Variants in UGT1A7 observed in about 807,000 individuals in gnomAD.
The protein encoded by UGT1A7 is UDP glucuronosyltransferase family 1 member A7.
In UGT1A7, 33 loss-of-function variants were observed where a neutral mutation model predicts 45.6. The observed-to-expected ratio is 0.72, with a 90% CI of 0.55 to 0.97. UGT1A7 has a LOEUF of 0.97. Among genes scored for constraint, UGT1A7 ranks in the 50% least tolerant of loss-of-function variants. The probability of loss-of-function intolerance (pLI) is 0.00; values close to 1 mark genes in which losing one functional copy is unlikely to be tolerated. For missense variants in UGT1A7, 684 were observed against 666.2 expected (o/e 1.03, Z -0.29); for synonymous variants, 274 against 250.6 (o/e 1.09, Z -0.88).
chr2:233,755,761 T>G (rs1381641183), intron 1 of UGT1A7: 4 of 152,946 alleles, frequency 2.6e-5, no homozygotes, highest in African/African-American at 9.6e-5. Context: ...CATTTGCTTT[T>G]GTTCATCTGG....
chr2:233,743,985 A>G (rs1333314866), intron 1 of UGT1A7: 3 of 1,283,108 alleles, frequency 2.3e-6, no homozygotes, highest in Non-Finnish European at 3.1e-6. Context: ...ACCCAGGCGC[A>G]GGCCCGAGTG....
At chr2:233,723,515 T>C (rs1475684057) in intron 1 of UGT1A7, among the ~76,000 whole-genome samples, 1,226 of 106,738 alleles carry the variant, frequency 0.011, 61 homozygotes, top group African/African-American at 0.052. Flanking sequence ...TGGTCAACAA[T>C]CTTTTTTTTT....
At chr2:233,739,351 C>A (rs1394476158) in intron 1 of UGT1A7, among the ~76,000 whole-genome samples, 1 of 152,186 alleles carries the variant, frequency 6.6e-6, no homozygotes, top group Admixed American at 6.5e-5. Context: ...CCCAGAAGGG[C>A]AGATCCAATA....
intron 1 of UGT1A7, among the ~76,000 whole-genome samples, chr2:233,733,533 G>T (rs184573517): frequency 6.6e-6 from 1 of 152,150 alleles, no homozygotes; most frequent in African/African-American, 2.4e-5. Flanking sequence ...GTTTAATTTT[G>T]TTGAAGGCCT....
chr2:233,725,038 C>G lies in UGT1A7; in HGVS notation c.856-41996C>G, dbSNP rs1391626503. On this transcript the variant is annotated intron_variant, in intron 1 of 4. Coordinates refer to ENST00000373426, the MANE Select transcript of UGT1A7 (RefSeq NM_019077.3). ...CAGCAAAACCCGGTCTCCACCAAAA[C>G]CAGTCAGGCGTGGCGGCGCGCGCCT... Among the ~76,000 whole-genome samples, 35 of 148,320 alleles carry G rather than the reference C, an allele frequency of 2.4e-4. 2 individuals carry two copies. Among genetic ancestry groups the G allele is most frequent in the Non-Finnish European group, 4.3e-4 (29 of 67,320 alleles).
In UGT1A7 at chr2:233,684,825, T is replaced by C. The variant is rs995688035; in HGVS notation, c.855+2033T>C. 2.6e-5 allele frequency among the ~76,000 whole-genome samples: 4 copies of C among 152,232 alleles called. No homozygotes were observed. In the East Asian group the frequency reaches 7.7e-4, roughly 29 times the overall value. ...GCTCAACCACAAAAGTAAATTGTCA[T>C]AGAAAAATTTATGGACACTGTATAG... is the stretch of plus-strand genomic sequence containing the variant. On this transcript the variant is annotated intron_variant, in intron 1 of 4. Transcript: ENST00000373426.
chr2:233,749,922 T>G (rs1694307540), intron 1 of UGT1A7, among the ~76,000 whole-genome samples: 2 of 151,936 alleles, frequency 1.3e-5, no homozygotes, highest in South Asian at 4.1e-4. Context: ...GTGAGTCAAT[T>G]AAAGCTCTTT....
chr2:233,714,925 G>A (rs1358582665), intron 1 of UGT1A7, among the ~76,000 whole-genome samples: 5 of 152,094 alleles, frequency 3.3e-5, no homozygotes, highest in African/African-American at 1.2e-4. Flanking sequence ...CACCCAGTCT[G>A]GAGTGCAGTG....
intron 1 of UGT1A7, among the ~76,000 whole-genome samples, chr2:233,686,422 C>T (rs1254685697): frequency 6.6e-6 from 1 of 152,122 alleles, no homozygotes; most frequent in African/African-American, 2.4e-5. Flanking sequence ...CAGATAAACA[C>T]ACGCATGCTT....
At chr2:233,767,774 T>A in intron 2 of UGT1A7, 75 bp from the exon 3 acceptor site, 1 of 1,612,214 alleles carries the variant, frequency 6.2e-7, no homozygotes, top group Non-Finnish European at 8.5e-7. Context: ...CCCTGTTTTC[T>A]AGTTAGTATA....
At chr2:233,719,812 C>T (rs2125672172) in intron 1 of UGT1A7, 1 of 1,587,558 alleles carries the variant, frequency 6.3e-7, no homozygotes, top group South Asian at 1.1e-5. Flanking sequence ...TTCTTTATAA[C>T]AGATAAACTG....
chr2:233,703,224 C>T (rs546346413), intron 1 of UGT1A7, among the ~76,000 whole-genome samples: 1 of 152,140 alleles, frequency 6.6e-6, no homozygotes, highest in African/African-American at 2.4e-5. Context: ...TTATCTAATT[C>T]CTTGGCATAA....
chr2:233,696,120 A>T (rs1261804081), intron 1 of UGT1A7, among the ~76,000 whole-genome samples: 1 of 152,186 alleles, frequency 6.6e-6, no homozygotes, highest in Non-Finnish European at 1.5e-5. Context: ...AAAGAACTAG[A>T]ACTGCCCCAA....
intron 1 of UGT1A7, among the ~76,000 whole-genome samples, chr2:233,700,879 C>CA (rs1321841982): frequency 6.6e-6 from 1 of 152,082 alleles, no homozygotes; most frequent in African/African-American, 2.4e-5. Flanking sequence ...CTCCTCCCCC[C>CA]ACCCCACAAC....
At chr2:233,748,115 G>A in intron 1 of UGT1A7, 1 of 1,611,758 alleles carries the variant, frequency 6.2e-7, no homozygotes, top group Non-Finnish European at 8.5e-7. Context: ...CAATGTTCCA[G>A]GCAAAACAGT....
At chr2:233,704,669 C>T (rs2075802744) in intron 1 of UGT1A7, among the ~76,000 whole-genome samples, 1 of 152,008 alleles carries the variant, frequency 6.6e-6, no homozygotes, top group Admixed American at 6.6e-5. Flanking sequence ...TTCCTTTGTT[C>T]TTATGGATCT....
Position 233,682,202 on chromosome 2 carries a change from G to A in UGT1A7, c.265G>A (p.Glu89Lys). ...ATACACTCTGGAGGATCAGGACCGG[G>A]AGTTCATGGTTTTTGCCGATGCTCG... Reference protein sequence around the residue: ...TSYTLEDQDREFMVFADARWT... With the variant: ...TSYTLEDQDRKFMVFADARWT... The change falls in exon 1 of 5, where the codon GAG (glutamate) becomes AAG (lysine). Residue 89 changes from glutamate (E) to lysine (K), a missense_variant. By Grantham distance (56) the Glu-to-Lys change is moderately conservative. Transcript: ENST00000373426. 1.2e-6 allele frequency: 2 copies of A among 1,614,244 alleles called. No individual in the cohort carries two copies. Among genetic ancestry groups the A allele is most frequent in the Non-Finnish European group, 1.7e-6 (2 of 1,180,032 alleles).
intron 1 of UGT1A7, chr2:233,693,129 T>C: frequency 6.2e-7 from 1 of 1,614,192 alleles, no homozygotes; most frequent in Non-Finnish European, 8.5e-7. Flanking sequence ...TGGCTTAGTA[T>C]GAAGGATATA....
At chr2:233,747,246 G>A (rs1208197105) in intron 1 of UGT1A7, 9 of 1,601,988 alleles carry the variant, frequency 5.6e-6, no homozygotes, top group Non-Finnish European at 6.8e-6. Context: ...CCCTGCTGTG[G>A]CTGGCCACAG....
Sources: gnomAD v4.1 joint callset for allele counts (sites outside exome capture counted in the v4.1 genomes callset) on GRCh38, gnomAD v4.1.1 for gene constraint, MANE v1.5 for transcripts, NCBI Gene and HGNC (gene_info 2026-07-23, HGNC 2026-07-21) for gene names.